Variants in LRRTM3 observed in about 807,000 individuals in gnomAD.
The protein encoded by LRRTM3 is leucine rich repeat transmembrane neuronal 3.
Under a neutral mutation model 44.7 loss-of-function variants are expected in LRRTM3, and 24 were observed. That is an observed-to-expected ratio of 0.54 (90% CI 0.39 to 0.76). The LOEUF is 0.76. Among genes scored for constraint, LRRTM3 ranks in the 30% least tolerant of loss-of-function variants. The pLI, the probability that LRRTM3 is intolerant of heterozygous loss-of-function variation, is 0.00. For missense variants in LRRTM3, 587 were observed against 702.2 expected (o/e 0.84, Z 1.85); for synonymous variants, 277 against 278.7 (o/e 0.99, Z 0.06).
At chr10:67,096,772 T>A (rs1253492214) in intron 2 of LRRTM3, among the ~76,000 whole-genome samples, 1 of 151,814 alleles carries the variant, frequency 6.6e-6, no homozygotes, top group Non-Finnish European at 1.5e-5. Flanking sequence ...GGCAAGGGAG[T>A]CCCTTCCTCA....
chr10:67,095,825 CT>C (rs1345011640), intron 2 of LRRTM3, among the ~76,000 whole-genome samples: 3 of 151,782 alleles, frequency 2.0e-5, no homozygotes, highest in Non-Finnish European at 2.9e-5. Flanking sequence ...TATTTTTGTT[CT>C]CTTCTATAAC....
At chr10:66,939,655 T>C (rs187926781) in intron 2 of LRRTM3, among the ~76,000 whole-genome samples, 12 of 152,340 alleles carry the variant, frequency 7.9e-5, no homozygotes, top group Admixed American at 7.8e-4. Flanking sequence ...AGACCATCCA[T>C]ATCCCTTTTC....
intron 2 of LRRTM3, among the ~76,000 whole-genome samples, chr10:67,024,815 C>T (rs1853251926): frequency 6.6e-6 from 1 of 151,788 alleles, no homozygotes; most frequent in Non-Finnish European, 1.5e-5. Flanking sequence ...TATTTATAAC[C>T]AATATTAATG....
chr10:66,954,404 C>T (rs1000656000), intron 2 of LRRTM3, among the ~76,000 whole-genome samples: 8 of 152,236 alleles, frequency 5.3e-5, no homozygotes, highest in East Asian at 1.9e-4. Context: ...GAAATAAAAA[C>T]GCTTAAAATA....
At chr10:67,003,759 A>G (rs982063335) in intron 2 of LRRTM3, among the ~76,000 whole-genome samples, 3 of 152,172 alleles carry the variant, frequency 2.0e-5, no homozygotes, top group African/African-American at 7.2e-5. Context: ...GATTCTGGCC[A>G]GTTAACTGGA....
intron 2 of LRRTM3, among the ~76,000 whole-genome samples, chr10:66,984,144 T>A (rs1391515650): frequency 1.4e-5 from 1 of 70,584 alleles, no homozygotes; most frequent in East Asian, 3.3e-4. Context: ...CTAGGAGTCA[T>A]CCGCTACCAA....
chr10:67,022,906 C>T (rs1293102981), intron 2 of LRRTM3, among the ~76,000 whole-genome samples: 1 of 152,040 alleles, frequency 6.6e-6, no homozygotes, highest in Non-Finnish European at 1.5e-5. Context: ...CCATTGCACT[C>T]CAGCCTGGGC....
At chr10:67,093,249 T>C (rs1857763553) in intron 2 of LRRTM3, among the ~76,000 whole-genome samples, 1 of 151,954 alleles carries the variant, frequency 6.6e-6, no homozygotes, top group Non-Finnish European at 1.5e-5. Context: ...TCCCTGAGCC[T>C]ATTCCAACTA....
At chr10:67,008,255 C>G (rs1269101370) in intron 2 of LRRTM3, among the ~76,000 whole-genome samples, 1 of 152,070 alleles carries the variant, frequency 6.6e-6, no homozygotes, top group African/African-American at 2.4e-5. Context: ...TTTATCCTAA[C>G]TTCCATCAAT....
chr10:67,044,200 G>GA (rs1258142471), intron 2 of LRRTM3, among the ~76,000 whole-genome samples: 1 of 151,902 alleles, frequency 6.6e-6, no homozygotes, highest in African/African-American at 2.4e-5. Flanking sequence ...TAATATTAAA[G>GA]AAAAAATATG....
At chr10:66,960,635 A>C (rs1849057145) in intron 2 of LRRTM3, among the ~76,000 whole-genome samples, 1 of 152,216 alleles carries the variant, frequency 6.6e-6, no homozygotes, top group African/African-American at 2.4e-5. Flanking sequence ...AACATATTCC[A>C]TCTTTGACAT....
intron 2 of LRRTM3, among the ~76,000 whole-genome samples, chr10:66,958,270 C>A (rs903387399): frequency 8.6e-6 from 1 of 115,832 alleles, no homozygotes; most frequent in African/African-American, 3.3e-5. Flanking sequence ...TATTGGTTAA[C>A]AAACCACAGG....
chr10:67,017,572 T>A (rs1016243809), intron 2 of LRRTM3, among the ~76,000 whole-genome samples: 1 of 152,174 alleles, frequency 6.6e-6, no homozygotes, highest in Non-Finnish European at 1.5e-5. Context: ...TGATTCACCC[T>A]CTTGCAGTAA....
At chr10:67,001,024 C>A (rs1276491031) in intron 2 of LRRTM3, among the ~76,000 whole-genome samples, 1 of 151,998 alleles carries the variant, frequency 6.6e-6, no homozygotes, top group South Asian at 2.1e-4. Flanking sequence ...TTAAATAGGC[C>A]AGGTGCAGTG....
intron 2 of LRRTM3, among the ~76,000 whole-genome samples, chr10:66,976,469 A>G (rs908225141): frequency 6.6e-6 from 1 of 152,088 alleles, no homozygotes; most frequent in Non-Finnish European, 1.5e-5. Context: ...CTCTTTTTCT[A>G]TAGATTACTC....
At chr10:67,066,484 C>A (rs1856093412) in intron 2 of LRRTM3, among the ~76,000 whole-genome samples, 1 of 150,932 alleles carries the variant, frequency 6.6e-6, no homozygotes, top group East Asian at 1.9e-4. Flanking sequence ...AACCACCGCA[C>A]CTGGCCAAGT....
At chr10:66,953,836 G>T (rs1264134216) in intron 2 of LRRTM3, among the ~76,000 whole-genome samples, 1 of 152,144 alleles carries the variant, frequency 6.6e-6, no homozygotes, top group African/African-American at 2.4e-5. Context: ...AGAGACACTG[G>T]TCAGTTCAAA....
chr10:66,974,937 C>G (rs932303517), intron 2 of LRRTM3, among the ~76,000 whole-genome samples: 1 of 151,922 alleles, frequency 6.6e-6, no homozygotes, highest in African/African-American at 2.4e-5. Flanking sequence ...CAGTCCAGGT[C>G]AGCACAAGCT....
intron 2 of LRRTM3, among the ~76,000 whole-genome samples, chr10:67,078,589 T>C (rs1856863326): frequency 6.6e-6 from 1 of 152,124 alleles, no homozygotes; most frequent in African/African-American, 2.4e-5. Flanking sequence ...CAATCTCGGC[T>C]CACTGCAACC....
Sources: gnomAD v4.1 joint callset for allele counts (sites outside exome capture counted in the v4.1 genomes callset) on GRCh38, gnomAD v4.1.1 for gene constraint, MANE v1.5 for transcripts, NCBI Gene and HGNC (gene_info 2026-07-23, HGNC 2026-07-21) for gene names.